STAP1: variants seen among roughly 807,000 people sequenced by gnomAD.
STAP1 encodes signal transducing adaptor family member 1.
In STAP1, 30 loss-of-function variants were observed where a neutral mutation model predicts 37.8. The ratio of observed to expected loss-of-function variants is 0.79; its 90% CI spans 0.59 to 1.08. The LOEUF (loss-of-function observed/expected upper bound fraction) is 1.08. Ranked by LOEUF, STAP1 falls within the 50% of genes least tolerant of loss-of-function variation. The pLI, the probability that STAP1 is intolerant of heterozygous loss-of-function variation, is 0.00. For missense variants in STAP1, 357 were observed against 349.4 expected, an observed-to-expected ratio of 1.02 and a Z score of -0.17; for synonymous variants, 130 against 116.0, an observed-to-expected ratio of 1.12 and a Z score of -0.78.
At chr4:67,595,024 C>A (rs67403812) in intron 8 of STAP1, among the ~76,000 whole-genome samples, 7,291 of 152,010 alleles carry the variant, frequency 0.048, 191 homozygotes, top group Admixed American at 0.07. Flanking sequence ...TTTAGGAGAG[C>A]AGAAGTTTTA....
chr4:67,590,996 T>C, intron 7 of STAP1, 43 bp downstream of exon 7: 1 of 1,502,254 alleles, frequency 6.7e-7, no homozygotes, highest in East Asian at 2.3e-5. Flanking sequence ...TTCCTCCCGA[T>C]TCCTTATAGC....
intron 1 of STAP1, among the ~76,000 whole-genome samples, chr4:67,566,150 G>A (rs1037739367): frequency 2.6e-5 from 4 of 151,894 alleles, no homozygotes; most frequent in Non-Finnish European, 4.4e-5. Context: ...GTTTCACCAC[G>A]TTGGCCAGAC....
intron 1 of STAP1, among the ~76,000 whole-genome samples, chr4:67,565,934 CTTTTTTTTTTTTTTT>C (rs60607477): frequency 1.7e-5 from 1 of 59,430 alleles, no homozygotes; most frequent in East Asian, 3.6e-4. Context: ...AACCCAACTG[CTTTTTTTTTTTTTTT>C]TTTTTTTTTT....
chr4:67,594,023 G>A (rs1398032925), intron 8 of STAP1, among the ~76,000 whole-genome samples: 1 of 152,162 alleles, frequency 6.6e-6, no homozygotes, highest in African/African-American at 2.4e-5. Context: ...CCTTGAAACT[G>A]GCTCTCTTTG....
intron 8 of STAP1, 32 bp downstream of exon 8, chr4:67,593,388 GAAACA>G (rs368722145): frequency 4.2e-5 from 63 of 1,510,496 alleles, no homozygotes; most frequent in East Asian, 9.1e-5. Context: ...TATGTTAAGG[GAAACA>G]AAACAAAACA....
At chr4:67,593,231 G>A in intron 7 of STAP1, 29 bp from the exon 8 acceptor site, 5 of 1,524,510 alleles carry the variant, frequency 3.3e-6, no homozygotes, top group Non-Finnish European at 4.5e-6. Context: ...AGGTGATGCT[G>A]AGTTTTCTCT....
At chr4:67,596,397 T>A (rs1269586105) in intron 8 of STAP1, among the ~76,000 whole-genome samples, 1 of 152,142 alleles carries the variant, frequency 6.6e-6, no homozygotes, top group Non-Finnish European at 1.5e-5. Context: ...TTTATAGCAG[T>A]GTGAAAATGG....
intron 1 of STAP1, among the ~76,000 whole-genome samples, chr4:67,562,087 A>AAAAAAG (rs1727356125): frequency 7.0e-6 from 1 of 143,688 alleles, no homozygotes; most frequent in Non-Finnish European, 1.5e-5. Flanking sequence ...AAAAAAAAAA[A>AAAAAAG]AAAAGAAAGA....
In STAP1 at chr4:67,598,402, G is replaced by A. The variant is rs75164943; in HGVS notation, c.826+5046G>A. Among the ~76,000 whole-genome samples the A allele has an allele frequency of 7.9e-3, 1,196 of 152,212 alleles. 9 individuals are homozygous for A. The highest frequency in any genetic ancestry group is 0.028 in the African/African-American group (1,150 of 41,524). On this transcript the variant is annotated intron_variant, in intron 8 of 8. Coordinates refer to ENST00000265404, the MANE Select transcript of STAP1 (RefSeq NM_012108.4). The stretch of plus-strand genomic sequence containing the variant: ...ACTAATTTACATTCCCACTAACAGT[G>A]TATGAAGGTTCCCTTTTCTCTATAT...
intron 8 of STAP1, among the ~76,000 whole-genome samples, chr4:67,594,560 T>C (rs1255391414): frequency 1.3e-5 from 2 of 152,150 alleles, no homozygotes; most frequent in Admixed American, 6.5e-5. Flanking sequence ...TTCCTTGATA[T>C]TGAGTCTGAA....
intron 3 of STAP1, among the ~76,000 whole-genome samples, chr4:67,576,466 T>G (rs1041445269): frequency 1.3e-5 from 2 of 152,138 alleles, no homozygotes; most frequent in South Asian, 4.1e-4. Flanking sequence ...TATAAAACAA[T>G]CAAACAAGCA....
chr4:67,565,686 G>A (rs1727450046), intron 1 of STAP1, among the ~76,000 whole-genome samples: 1 of 151,982 alleles, frequency 6.6e-6, no homozygotes, highest in South Asian at 2.1e-4. Flanking sequence ...ACAACTCTAT[G>A]GAGCAATAGC....
At chr4:67,582,115 T>G (rs1424171684) in intron 5 of STAP1, among the ~76,000 whole-genome samples, 3 of 152,100 alleles carry the variant, frequency 2.0e-5, no homozygotes, top group African/African-American at 7.2e-5. Flanking sequence ...CTACAATCAC[T>G]GAAACCCGCC....
At chr4:67,600,786 G>A (rs1248433605) in intron 8 of STAP1, among the ~76,000 whole-genome samples, 1 of 151,976 alleles carries the variant, frequency 6.6e-6, no homozygotes, top group Non-Finnish European at 1.5e-5. Context: ...TATTTTGTCT[G>A]ATATAACTAC....
intron 8 of STAP1, among the ~76,000 whole-genome samples, chr4:67,598,307 T>G (rs1728267823): frequency 2.6e-5 from 4 of 152,216 alleles, no homozygotes; most frequent in Non-Finnish European, 5.9e-5. Flanking sequence ...GCAGTGGGAT[T>G]GCTGGGTCAT....
rs1728449776 is a variant in STAP1, at chr4:67,606,372, G to A, written c.*15G>A. ...ACATTGCATGAAATACAATGTGAAA[G>A]CTCCTTTGTATATCTTGGTAATTTA... On this transcript the variant is annotated 3_prime_UTR_variant, in exon 9 of 9. Transcript: ENST00000265404. The A allele has an allele frequency of 5.6e-6, 9 of 1,602,748 alleles. No homozygotes were observed. The highest frequency in any genetic ancestry group is 1.1e-5 in the South Asian group (1 of 88,736).
intron 1 of STAP1, among the ~76,000 whole-genome samples, chr4:67,564,237 G>C (rs977922175): frequency 5.9e-5 from 9 of 152,204 alleles, no homozygotes; most frequent in Admixed American, 3.3e-4. Context: ...TTTTCCTCCA[G>C]GGCTGCCTTT....
At position 67,560,904 on chromosome 4, in the gene STAP1, C is replaced by T. The variant is rs552345674; in HGVS notation, c.120+1975C>T. On this transcript the variant is annotated intron_variant, in intron 1 of 8. Coordinates refer to ENST00000265404, the MANE Select transcript of STAP1 (RefSeq NM_012108.4). ...GCTCAAGCAACCTGCCCACCTTGGC[C>T]TCCCAATGTGCTAGAATTACAGGCA... is the stretch of plus-strand genomic sequence containing the variant. Among the ~76,000 whole-genome samples the T allele has an allele frequency of 1.8e-4, 27 of 149,998 alleles. No individual in the cohort carries two copies. The East Asian group carries it at 4.8e-3, about 27-fold the overall frequency.
chr4:67,606,139 A>G (rs1728444543), intron 8 of STAP1, among the ~76,000 whole-genome samples, 157 bp from the exon 9 acceptor site: 1 of 152,234 alleles, frequency 6.6e-6, no homozygotes, highest in Non-Finnish European at 1.5e-5. Context: ...AAATTTAAAA[A>G]AGCATCTGAA....
Sources: gnomAD v4.1 joint callset for allele counts (sites outside exome capture counted in the v4.1 genomes callset) on GRCh38, gnomAD v4.1.1 for gene constraint, MANE v1.5 for transcripts, NCBI Gene and HGNC (gene_info 2026-07-23, HGNC 2026-07-21) for gene names.